The following COL16A1 variants were observed in gnomAD, a reference collection of about 807,000 sequenced individuals.
COL16A1 encodes collagen alpha-1(XVI) chain.
Under a neutral mutation model 266.3 loss-of-function variants are expected in COL16A1, and 189 were observed. The observed-to-expected ratio is 0.71, with a 90% confidence interval of 0.63 to 0.80. The LOEUF (loss-of-function observed/expected upper bound fraction) is 0.80, where lower values mean the gene tolerates loss of function less well. Among genes scored for constraint, COL16A1 ranks in the 30% least tolerant of loss-of-function variants. The probability of loss-of-function intolerance (pLI) is 0.00; values close to 1 mark genes in which losing one functional copy is unlikely to be tolerated. For synonymous variants in COL16A1, 740 were observed against 782.3 expected (o/e 0.95, Z 0.90); for missense variants, 1,928 against 2,122.4 (o/e 0.91, Z 1.80).
Position 31,664,505 on chromosome 1 carries a change from C to T in COL16A1, c.3555+667G>A, listed in dbSNP as rs561918172. Among the ~76,000 whole-genome samples, 1 of 152,290 alleles carries T rather than the reference C, an allele frequency of 6.6e-6. No individual in the cohort carries two copies. The highest frequency in any genetic ancestry group is 1.9e-4 in the East Asian group (1 of 5,186). On this transcript the variant is annotated intron_variant, in intron 56 of 70. Transcript: ENST00000373672. The surrounding 1 kb of genome is among the most constrained non-coding windows in gnomAD (Gnocchi z 5.5). ...CAGAAGTCAATCTTCGGGCTTCTTA[C>T]ACCACCCACTCAGCACATCTAGGGA... is the stretch of plus-strand genomic sequence containing the variant.
chr1:31,660,604 G>A lies in COL16A1; in HGVS notation c.3860C>T (p.Pro1287Leu), dbSNP rs777430108. 18 of 1,614,066 alleles carry A rather than the reference G, an allele frequency of 1.1e-5. No homozygotes were observed. The African/African-American group carries it at 2.4e-4, about 22-fold the overall frequency. Residue 1287 changes from proline to leucine, a missense_variant, in exon 62 of 71, where the codon CCC becomes CTC. Coordinates refer to ENST00000373672, the MANE Select transcript of COL16A1 (RefSeq NM_001856.4). Reference sequence around the variant, plus strand: ...ACTCACAACGTGTCCCGGGGGACCGGGTCTTCCCTGGGGTCCCATGGCACC... The same window carrying A: ...ACTCACAACGTGTCCCGGGGGACCGAGTCTTCCCTGGGGTCCCATGGCACC... The part of the protein sequence containing the change: ...EPGAMGPQGR[P>L]GPPGHVGPPG...
intron 2 of COL16A1, among the ~76,000 whole-genome samples, chr1:31,700,477 T>A (rs113045963): frequency 0.026 from 3,932 of 152,312 alleles, 172 homozygotes; most frequent in African/African-American, 0.089. Context: ...CGAGCACAGA[T>A]GGAGTGGGGA....
In COL16A1 at chr1:31,690,393, C is replaced by G; in HGVS notation, c.1483G>C (p.Gly495Arg). The stretch of plus-strand genomic sequence containing the variant: ...TTCTCTCCCTTCACACCTGGCTTCC[C>G]CTGTTAGAAAAGAGGCAATGGGCAT... ...PGKEGPGGKP[G>R]KPGVKGEKGD... Residue 495 changes from glycine (G) to arginine (R), a missense_variant and splice_region_variant, in exon 22 of 71, where the codon GGG becomes CGG. Gly to Arg is a moderately radical substitution (Grantham distance 125, BLOSUM62 -2). This residue lies in a region of COL16A1 where 1,552 missense variants were observed against 1,637.2 expected (regional missense o/e 0.95). Transcript: ENST00000373672. 6.2e-7 allele frequency: 1 copy of G among 1,614,132 alleles called. No individual in the cohort carries two copies.
intron 26 of COL16A1, 96 bp from the exon 27 acceptor site, chr1:31,686,375 T>A: frequency 6.7e-7 from 1 of 1,503,216 alleles, no homozygotes; most frequent in Non-Finnish European, 9.2e-7. Context: ...CCCCTTCAGA[T>A]GTCCAGACTA....
intron 42 of COL16A1, among the ~76,000 whole-genome samples, chr1:31,676,829 G>A (rs899451318): frequency 4.6e-5 from 7 of 152,210 alleles, no homozygotes; most frequent in Non-Finnish European, 8.8e-5. Flanking sequence ...TGAATGCACC[G>A]CTGCTCAGCC....
Position 31,652,512 on chromosome 1 carries a change from TTTA to T in COL16A1, c.*136_*138del. On this transcript the variant is annotated 3_prime_UTR_variant, in exon 71 of 71. Transcript: ENST00000373672. The surrounding 1 kb of genome is among the most constrained non-coding windows in gnomAD (Gnocchi z 4.8). Reference sequence around the variant, plus strand: ...GGGAAAGGGCAGATAGTTTTGTTTCTTTATTATTTAAAAAATATTAACAGCAAT... The same window carrying T: ...GGGAAAGGGCAGATAGTTTTGTTTCTTTATTTAAAAAATATTAACAGCAAT... 2.8e-6 allele frequency: 3 copies of T among 1,068,820 alleles called. No homozygotes were observed. Among genetic ancestry groups the T allele is most frequent in the Non-Finnish European group, 3.8e-6 (3 of 798,044 alleles). The allele number at this position is 1,068,820 out of a possible 1,614,324, so 66.2% of individuals were successfully genotyped here. A position where few individuals can be genotyped will look rare whatever the true frequency, so the allele number is the denominator to read the frequency against.
chr1:31,684,370 C>G lies in COL16A1; in HGVS notation c.2161-139G>C, dbSNP rs568400777. 35 of 1,464,798 alleles carry G rather than the reference C, an allele frequency of 2.4e-5. No homozygotes were observed. The East Asian group carries it at 8.3e-4, about 35-fold the overall frequency. 90.7% of individuals were successfully genotyped at this position (1,464,798 alleles called of 1,614,324 possible). The stretch of plus-strand genomic sequence containing the variant: ...GAAATCAAAACAGGCCCCTGACACT[C>G]CTAGCAGAGGAGAAGCCCCGAGGAG... On this transcript the variant is annotated intron_variant, in intron 31 of 70. Transcript: ENST00000373672.
At chr1:31,696,210 A>G in intron 8 of COL16A1, 69 bp from the exon 9 acceptor site, 4 of 1,442,696 alleles carry the variant, frequency 2.8e-6, no homozygotes, top group Non-Finnish European at 3.9e-6. Context: ...GGAAAGGGGC[A>G]CCCAGGCAGG....
At chr1:31,680,203 G>A in intron 39 of COL16A1, 102 bp from the exon 40 acceptor site, 6 of 1,502,944 alleles carry the variant, frequency 4.0e-6, no homozygotes, top group East Asian at 2.5e-5. Context: ...AGAGGCCAGG[G>A]TTTCAATCCA....
In COL16A1 at chr1:31,685,504, G is replaced by A. The variant is rs983987197; in HGVS notation, c.2016+135C>T. 2.1e-5 allele frequency: 24 copies of A among 1,132,258 alleles called. No homozygotes were observed. Among genetic ancestry groups the A allele is most frequent in the African/African-American group, 4.7e-5 (3 of 64,252 alleles). 70.1% of individuals were successfully genotyped at this position (1,132,258 alleles called of 1,614,324 possible). A position where few individuals can be genotyped will look rare whatever the true frequency, so the allele number is the denominator to read the frequency against. On this transcript the variant is annotated intron_variant, in intron 29 of 70. Transcript: ENST00000373672. The surrounding 1 kb of genome is among the most constrained non-coding windows in gnomAD (Gnocchi z 4.0). ...GAGGGCCGCTCCTGCTGGAGACAGA[G>A]GCTCTGACCCCGCCACACCCTCCCC...
At chr1:31,658,812 A>G in intron 63 of COL16A1, 102 bp downstream of exon 63, 5 of 1,359,038 alleles carry the variant, frequency 3.7e-6, no homozygotes, top group Non-Finnish European at 5.1e-6. Flanking sequence ...GGAGGGGATG[A>G]GACAAACTGT....
chr1:31,662,429 G>A, intron 57 of COL16A1, 42 bp from the exon 58 acceptor site: 1 of 1,600,086 alleles, frequency 6.2e-7, no homozygotes, highest in Non-Finnish European at 8.5e-7. Context: ...TGGTGCGGGA[G>A]CCCTAGGAGG....
chr1:31,691,524 A>T lies in COL16A1; in HGVS notation c.1303-12T>A, dbSNP rs1644267153. The T allele has an allele frequency of 6.2e-7, 1 of 1,613,824 alleles. No homozygotes were observed. Among genetic ancestry groups the T allele is most frequent in the African/African-American group, 1.3e-5 (1 of 74,906 alleles). On this transcript the variant is annotated splice_polypyrimidine_tract_variant and intron_variant, in intron 18 of 70. Coordinates refer to ENST00000373672, the MANE Select transcript of COL16A1 (RefSeq NM_001856.4). ...AAGCCAGGGTCTCCCTGGCACAGAC[A>T]TAAGGTGGGCATCAGAGAGCTGCCA...
intron 52 of COL16A1, 35 bp from the exon 53 acceptor site, chr1:31,666,116 C>G: frequency 6.3e-7 from 1 of 1,597,160 alleles, no homozygotes; most frequent in Non-Finnish European, 8.5e-7. Flanking sequence ...AGTCACTCCT[C>G]CTGGGGAGGT....
intron 17 of COL16A1, 32 bp downstream of exon 17, chr1:31,691,973 G>T: frequency 6.2e-7 from 1 of 1,613,462 alleles, no homozygotes; most frequent in Non-Finnish European, 8.5e-7. Context: ...CCGTGCTGTG[G>T]GTTGTGGTGG....
chr1:31,670,478 T>C lies in COL16A1; in HGVS notation c.3195+124A>G. On this transcript the variant is annotated intron_variant, in intron 49 of 70. Transcript: ENST00000373672. The surrounding 1 kb of genome is among the most constrained non-coding windows in gnomAD (Gnocchi z 4.5). ...AGAGAACCCGTGTCGTTAGCTACCGTGCCTGAAGGGGGACAACAAACACGG... is the reference window on the plus strand; with the variant it reads ...AGAGAACCCGTGTCGTTAGCTACCGCGCCTGAAGGGGGACAACAAACACGG... 1 of 1,224,356 alleles carries C rather than the reference T, an allele frequency of 8.2e-7. No homozygotes were observed. Among genetic ancestry groups the C allele is most frequent in the African/African-American group, 1.6e-5 (1 of 61,834 alleles). 75.8% of individuals were successfully genotyped at this position (1,224,356 alleles called of 1,614,324 possible).
intron 68 of COL16A1, among the ~76,000 whole-genome samples, chr1:31,654,301 C>T (rs1396479727): frequency 2.0e-5 from 3 of 152,176 alleles, no homozygotes; most frequent in African/African-American, 4.8e-5. Context: ...ATTAGTTCAC[C>T]GCTGGCTTCA....
rs1302609329 is a variant in COL16A1, at chr1:31,656,070, CACCTATTGTTCAGGG to C, written c.4101+315_4101+329del. 21 of 410,728 alleles carry C rather than the reference CACCTATTGTTCAGGG, an allele frequency of 5.1e-5. No individual in the cohort carries two copies. Among genetic ancestry groups the C allele is most frequent in the African/African-American group, 4.4e-4 (21 of 48,202 alleles). 25.4% of individuals were successfully genotyped at this position (410,728 alleles called of 1,614,324 possible). A position where few individuals can be genotyped will look rare whatever the true frequency, so the allele number is the denominator to read the frequency against. ...GTAAGTGTGACTGGTCTATTGTGAG[CACCTATTGTTCAGGG>C]ACCTCTGTTTACCTGAGGCCAGGAC... On this transcript the variant is annotated intron_variant, in intron 66 of 70. Transcript: ENST00000373672. The surrounding 1 kb of genome is among the most constrained non-coding windows in gnomAD (Gnocchi z 4.2).
In COL16A1 at chr1:31,656,534, A is replaced by G; in HGVS notation, c.4057-90T>C. On this transcript the variant is annotated intron_variant, in intron 65 of 70. Transcript: ENST00000373672. This position sits in a 1 kb window ranked among gnomAD's most constrained non-coding sequence, Gnocchi z 4.2. ...GGTGCAGTGAAGAGGCCCCTTCCACAGCCTGAGGCCCCCAGGTGTGTCCAG... is the reference window on the plus strand; with the variant it reads ...GGTGCAGTGAAGAGGCCCCTTCCACGGCCTGAGGCCCCCAGGTGTGTCCAG... The G allele has an allele frequency of 6.5e-7, 1 of 1,548,828 alleles. No individual in the cohort carries two copies. Among genetic ancestry groups the G allele is most frequent in the Non-Finnish European group, 8.7e-7 (1 of 1,146,854 alleles).
Sources: gnomAD v4.1 joint callset for allele counts (sites outside exome capture counted in the v4.1 genomes callset) on GRCh38, gnomAD v4.1.1 for gene constraint, gnomAD v4.1.1 regional missense constraint, Gnocchi (gnomAD v3.1) non-coding constraint, MANE v1.5 for transcripts, NCBI Gene and HGNC (gene_info 2026-07-23, HGNC 2026-07-21) for gene names.